Variants in SOX5 observed in about 807,000 individuals in gnomAD.
The protein encoded by SOX5 is transcription factor SOX-5.
SOX5 carries 9 observed loss-of-function variants against 92.0 expected under a neutral mutation model. That is an observed-to-expected ratio of 0.10 (90% CI 0.06 to 0.17). The LOEUF is 0.17. Among genes scored for constraint, SOX5 ranks in the 10% least tolerant of loss-of-function variants. SOX5 has a pLI of 1.00. For synonymous variants in SOX5, 344 were observed against 336.3 expected, an observed-to-expected ratio of 1.02 and a Z score of -0.25; for missense variants, 642 against 944.5, an observed-to-expected ratio of 0.68 and a Z score of 4.20.
intron 6 of SOX5, among the ~76,000 whole-genome samples, chr12:23,718,817 T>C (rs545263341): frequency 1.3e-3 from 197 of 152,300 alleles, no homozygotes; most frequent in African/African-American, 4.5e-3. Context: ...TGCAGCTACA[T>C]GGAGGAGACG....
At chr12:24,505,149 T>G (rs1480141707) in intron 1 of SOX5, among the ~76,000 whole-genome samples, 1 of 152,256 alleles carries the variant, frequency 6.6e-6, no homozygotes, top group Non-Finnish European at 1.5e-5. Flanking sequence ...TGTGCCTAAT[T>G]TTCTTGTTTC....
chr12:24,084,594 G>A (rs1943741433), intron 4 of SOX5, among the ~76,000 whole-genome samples: 1 of 152,048 alleles, frequency 6.6e-6, no homozygotes. Context: ...AATATTGGAA[G>A]TAAAATATGA....
chr12:23,708,120 T>C (rs753222714), intron 6 of SOX5, among the ~76,000 whole-genome samples: 1 of 151,768 alleles, frequency 6.6e-6, no homozygotes, highest in Non-Finnish European at 1.5e-5. Context: ...AAAAGAAGCA[T>C]AGAATGGTAA....
chr12:24,358,028 T>C (rs1365008845), intron 2 of SOX5, among the ~76,000 whole-genome samples: 1 of 152,164 alleles, frequency 6.6e-6, no homozygotes, highest in African/African-American at 2.4e-5. Context: ...TTCATTACCA[T>C]ATTTTCAAGA....
At chr12:24,455,856 G>A (rs1942956664) in intron 1 of SOX5, among the ~76,000 whole-genome samples, 1 of 152,154 alleles carries the variant, frequency 6.6e-6, no homozygotes, top group Non-Finnish European at 1.5e-5. Context: ...ACTGCCCACA[G>A]TAGAATGACT....
chr12:24,431,201 AGAGT>A (rs1164559408), intron 1 of SOX5, among the ~76,000 whole-genome samples: 1 of 150,132 alleles, frequency 6.7e-6, no homozygotes, highest in Admixed American at 6.6e-5. Context: ...CCAAGATGAA[AGAGT>A]GAGTAAGCGA....
chr12:24,044,019 G>A (rs1312295400), intron 4 of SOX5, among the ~76,000 whole-genome samples: 1 of 152,072 alleles, frequency 6.6e-6, no homozygotes, highest in Admixed American at 6.6e-5. Flanking sequence ...CTAATATATA[G>A]TAAATATTCA....
At chr12:23,689,126 G>T (rs1290169966) in intron 6 of SOX5, among the ~76,000 whole-genome samples, 1 of 151,934 alleles carries the variant, frequency 6.6e-6, no homozygotes, top group Non-Finnish European at 1.5e-5. Context: ...ATTTTTTTAG[G>T]CCATTTAGAG....
intron 3 of SOX5, among the ~76,000 whole-genome samples, chr12:23,779,955 CTGTGTGTGTGTGTGTGTG>C (rs10686652): frequency 5.1e-5 from 7 of 136,530 alleles, no homozygotes; most frequent in African/African-American, 1.6e-4. Context: ...CACAGCGAGA[CTGTGTGTGTGTGTGTGTG>C]TGTGTGTGTG....
intron 4 of SOX5, among the ~76,000 whole-genome samples, chr12:24,008,560 C>G (rs1375814757): frequency 3.9e-5 from 6 of 152,062 alleles, no homozygotes; most frequent in Admixed American, 3.9e-4. Flanking sequence ...AATCCAAGCT[C>G]TTAATTCCCT....
chr12:23,939,638 G>A (rs916624364), intron 1 of SOX5, among the ~76,000 whole-genome samples: 2 of 150,706 alleles, frequency 1.3e-5, no homozygotes, highest in Non-Finnish European at 3.0e-5. Flanking sequence ...CCTTAGATAT[G>A]TATATTCCTG....
At chr12:24,396,863 G>A (rs1014674807) in intron 1 of SOX5, among the ~76,000 whole-genome samples, 1 of 152,240 alleles carries the variant, frequency 6.6e-6, no homozygotes, top group Non-Finnish European at 1.5e-5. Flanking sequence ...AGAGGGAGAT[G>A]TTTGGCTTAA....
intron 4 of SOX5, among the ~76,000 whole-genome samples, chr12:24,067,061 G>T (rs1294018247): frequency 6.6e-6 from 1 of 152,158 alleles, no homozygotes; most frequent in Non-Finnish European, 1.5e-5. Flanking sequence ...GGCCTGGCCA[G>T]CACCAGAATT....
At chr12:24,212,172 T>C (rs1958690398) in intron 4 of SOX5, among the ~76,000 whole-genome samples, 1 of 152,202 alleles carries the variant, frequency 6.6e-6, no homozygotes, top group South Asian at 2.1e-4. Flanking sequence ...CATGAAGATA[T>C]AGTCGAAATT....
In SOX5 at chr12:23,733,201, C is replaced by G. The variant is rs529424921; in HGVS notation, c.810+1483G>C. On this transcript the variant is annotated intron_variant, in intron 6 of 14. Transcript: ENST00000451604. ...TTACAAAAATTATAAAAATCTAAAA[C>G]TATTGGCACACTTGTCAAATTGCAG... 3.9e-5 allele frequency among the ~76,000 whole-genome samples: 6 copies of G among 152,244 alleles called. No homozygotes were observed. The East Asian group carries it at 1.2e-3, about 29-fold the overall frequency.
chr12:23,749,825 T>C (rs532862167), intron 4 of SOX5, among the ~76,000 whole-genome samples: 7 of 152,032 alleles, frequency 4.6e-5, no homozygotes, highest in African/African-American at 1.7e-4. Context: ...TAGTCAATAA[T>C]AGTTATCCCA....
At chr12:23,719,552 C>A (rs1337461523) in intron 6 of SOX5, among the ~76,000 whole-genome samples, 1 of 151,988 alleles carries the variant, frequency 6.6e-6, no homozygotes, top group Non-Finnish European at 1.5e-5. Flanking sequence ...TTGAGACCAG[C>A]CTGGGCAACA....
intron 2 of SOX5, among the ~76,000 whole-genome samples, chr12:24,282,208 T>G (rs1945292283): frequency 6.6e-6 from 1 of 152,066 alleles, no homozygotes; most frequent in African/African-American, 2.4e-5. Context: ...AAACGAGGAA[T>G]ATATAAGAAA....
chr12:23,866,735 A>C (rs2096819053), intron 2 of SOX5, among the ~76,000 whole-genome samples: 1 of 152,100 alleles, frequency 6.6e-6, no homozygotes, highest in Admixed American at 6.5e-5. Flanking sequence ...CTGGTTTTTC[A>C]TCCTTCTCCG....
Sources: gnomAD v4.1 joint callset for allele counts (sites outside exome capture counted in the v4.1 genomes callset) on GRCh38, gnomAD v4.1.1 for gene constraint, MANE v1.5 for transcripts, NCBI Gene and HGNC (gene_info 2026-07-23, HGNC 2026-07-21) for gene names.